REV1: variants seen among roughly 807,000 people sequenced by gnomAD.
REV1 encodes the protein REV1 DNA directed polymerase.
REV1 carries 42 observed loss-of-function variants against 137.4 expected under a neutral mutation model. The observed-to-expected ratio is 0.31, with a 90% CI of 0.24 to 0.40. The LOEUF (loss-of-function observed/expected upper bound fraction) is 0.40. Ranked by LOEUF, REV1 falls within the 10% of genes least tolerant of loss-of-function variation. The pLI, the probability that REV1 is intolerant of heterozygous loss-of-function variation, is 1.00. For synonymous variants in REV1, 524 were observed against 519.2 expected (o/e 1.01, Z -0.12); for missense variants, 1,282 against 1,490.1 (o/e 0.86, Z 2.30).
intron 15 of REV1, 89 bp from the exon 16 acceptor site, chr2:99,406,579 A>C (rs1242393786): frequency 9.7e-7 from 1 of 1,029,656 alleles, no homozygotes; most frequent in Non-Finnish European, 1.4e-6. Flanking sequence ...AATCCTTTTC[A>C]CTATCTCCTG....
rs768700985 is a variant in REV1, at chr2:99,402,764, G to C, written c.3421C>G (p.Leu1141Val). The C allele has an allele frequency of 6.8e-6, 11 of 1,614,152 alleles. No individual in the cohort carries two copies. Among genetic ancestry groups the C allele is most frequent in the Non-Finnish European group, 5.9e-6 (7 of 1,180,034 alleles). ...GCTGGGTCAGACTGCAAACTAGAAA[G>C]GCCTGGCACACCTGAAGTAGAAGCA... ...LSASTSGVPG[L>V]SSLQSDPAGC... Residue 1141 changes from leucine to valine, a missense_variant, in exon 21 of 23, where the codon CTT (leucine) becomes GTT (valine). This residue lies in a region of REV1 where 170 missense variants were observed against 156.8 expected (regional missense o/e 1.08). Coordinates refer to ENST00000258428, the MANE Select transcript of REV1 (RefSeq NM_016316.4).
At chr2:99,428,602 C>T (rs1333306442) in intron 9 of REV1, among the ~76,000 whole-genome samples, 1 of 151,876 alleles carries the variant, frequency 6.6e-6, no homozygotes, top group African/African-American at 2.4e-5. Flanking sequence ...AAATAATTAG[C>T]AAATTTAAAA....
At chr2:99,434,649 A>T (rs1260052241) in intron 7 of REV1, among the ~76,000 whole-genome samples, 1 of 152,204 alleles carries the variant, frequency 6.6e-6, no homozygotes, top group African/African-American at 2.4e-5. Context: ...ACCTCCAGAA[A>T]AGCCAATTAT....
intron 3 of REV1, among the ~76,000 whole-genome samples, chr2:99,458,925 G>C (rs1575168879): frequency 6.6e-6 from 1 of 152,188 alleles, no homozygotes; most frequent in East Asian, 1.9e-4. Flanking sequence ...TTGTAGTGTG[G>C]AGGCCGGGCG....
rs1374678937 is a variant in REV1, at chr2:99,487,453, T to C, written c.-11+2364A>G. Among the ~76,000 whole-genome samples, 3 of 118,426 alleles carry C rather than the reference T, an allele frequency of 2.5e-5. 1 individual carries two copies. Among genetic ancestry groups the C allele is most frequent in the African/African-American group, 6.1e-5 (2 of 33,048 alleles). 77.7% of individuals were successfully genotyped at this position (118,426 alleles called of 152,430 possible). On this transcript the variant is annotated intron_variant, in intron 1 of 22. Coordinates refer to ENST00000258428, the MANE Select transcript of REV1 (RefSeq NM_016316.4). Reference sequence around the variant, plus strand: ...TGGAAACACTCCAACCAAGAGATAATGGAACTTAGACTAGGATTCATGTAC... The same window carrying C: ...TGGAAACACTCCAACCAAGAGATAACGGAACTTAGACTAGGATTCATGTAC...
chr2:99,424,034 G>A (rs1679021550), intron 10 of REV1, 118 bp downstream of exon 10: 1 of 1,100,534 alleles, frequency 9.1e-7, no homozygotes, highest in South Asian at 1.6e-5. Context: ...AGTGGTTCCT[G>A]GAAGATAAAA....
intron 3 of REV1, among the ~76,000 whole-genome samples, chr2:99,455,778 A>G (rs1683470725): frequency 6.6e-6 from 1 of 152,216 alleles, no homozygotes; most frequent in Non-Finnish European, 1.5e-5. Context: ...GAAAACATCA[A>G]TGTAAGCTGT....
At chr2:99,455,980 T>C (rs1683494708) in intron 3 of REV1, among the ~76,000 whole-genome samples, 3 of 152,138 alleles carry the variant, frequency 2.0e-5, no homozygotes, top group Admixed American at 2.0e-4. Flanking sequence ...GAAAATAACC[T>C]GAACACCTCT....
intron 1 of REV1, among the ~76,000 whole-genome samples, chr2:99,481,705 A>ACG (rs1200716039): frequency 6.6e-6 from 1 of 151,764 alleles, no homozygotes; most frequent in Non-Finnish European, 1.5e-5. Flanking sequence ...ACACACACAC[A>ACG]CACAAAAATT....
chr2:99,410,823 A>T lies in REV1; in HGVS notation c.2217T>A (p.Ile739=), dbSNP rs1360317805. The change falls in exon 14 of 23, where the codon ATT becomes ATA. Residue 739 remains isoleucine, a synonymous_variant. Coordinates refer to ENST00000258428, the MANE Select transcript of REV1 (RefSeq NM_016316.4). ...TGCCAGTGGCTTCTAGTCTTCTTTG[A>T]ATTTCTTCTGAAAGACTCAGAAGAA... ...EAFLLSLSEE[I]QRRLEATGMK... 3 of 1,600,842 alleles carry T rather than the reference A, an allele frequency of 1.9e-6. No homozygotes were observed. In the East Asian group the frequency reaches 6.7e-5, roughly 36 times the overall value.
At chr2:99,436,775 T>C (rs1680807121) in intron 6 of REV1, 1 of 152,166 alleles carries the variant, frequency 6.6e-6, no homozygotes, top group Non-Finnish European at 1.5e-5. Flanking sequence ...CGTCTGGTCC[T>C]CTAAGATACA....
chr2:99,447,330 G>A (rs1392502486), intron 4 of REV1, among the ~76,000 whole-genome samples: 5 of 151,568 alleles, frequency 3.3e-5, no homozygotes, highest in East Asian at 2.0e-4. Context: ...GCGCCACCAC[G>A]CCCAGCTAAT....
At chr2:99,439,576 T>G (rs1374870739) in intron 5 of REV1, among the ~76,000 whole-genome samples, 1 of 152,160 alleles carries the variant, frequency 6.6e-6, no homozygotes, top group Non-Finnish European at 1.5e-5. Context: ...CCTTTAGGTG[T>G]TTTTTGTTTG....
At chr2:99,418,785 G>A (rs2104560276) in intron 12 of REV1, 43 bp downstream of exon 12, 1 of 1,557,772 alleles carries the variant, frequency 6.4e-7, no homozygotes, top group South Asian at 1.1e-5. Flanking sequence ...AAAAGTACTT[G>A]TAATGCCTGT....
chr2:99,406,590 G>C, intron 15 of REV1, 100 bp from the exon 16 acceptor site: 1 of 911,978 alleles, frequency 1.1e-6, no homozygotes, highest in African/African-American at 1.7e-5. Context: ...CTATCTCCTG[G>C]ATCCTGTTTC....
At chr2:99,475,041 T>C (rs1245359648) in intron 1 of REV1, among the ~76,000 whole-genome samples, 1 of 152,224 alleles carries the variant, frequency 6.6e-6, no homozygotes, top group African/African-American at 2.4e-5. Flanking sequence ...CTGTTTGAAA[T>C]GCTTGTTCCC....
At chr2:99,432,069 G>T in intron 8 of REV1, 1 of 223,584 alleles carries the variant, frequency 4.5e-6, no homozygotes, top group Non-Finnish European at 7.5e-6. Flanking sequence ...CCAGGAAGGG[G>T]TAAAAGGCCC....
rs750712049 is a variant in REV1, at chr2:99,406,316, A to T, written c.2614+9T>A. On this transcript the variant is annotated intron_variant, in intron 16 of 22. Coordinates refer to ENST00000258428, the MANE Select transcript of REV1 (RefSeq NM_016316.4). ...CACCTAAAAAAGAACCACATTGATG[A>T]CCACCAACCTTCTTTGTGCTCCTCT... The T allele has an allele frequency of 1.9e-6, 3 of 1,600,318 alleles. No individual in the cohort carries two copies. The highest frequency in any genetic ancestry group is 4.5e-5 in the East Asian group (2 of 44,680).
In REV1 at chr2:99,403,820, T is replaced by C; in HGVS notation, c.3046-5A>G. On this transcript the variant is annotated splice_polypyrimidine_tract_variant and splice_region_variant and intron_variant, in intron 18 of 22. Transcript: ENST00000258428. ...AGCAAATACCTCAGGGTCCACCTAG[T>C]GGAAAAGACGAGGTCAAAGTCAAAC... The C allele has an allele frequency of 1.9e-6, 3 of 1,613,992 alleles. No homozygotes were observed. The highest frequency in any genetic ancestry group is 2.5e-6 in the Non-Finnish European group (3 of 1,179,952).
Sources: allele counts gnomAD v4.1 joint callset (sites outside exome capture counted in the v4.1 genomes callset), GRCh38; gene constraint gnomAD v4.1.1; regional missense constraint gnomAD v4.1.1; transcripts MANE v1.5; gene names NCBI Gene and HGNC (gene_info 2026-07-23, HGNC 2026-07-21).